Variants in RASEF observed in about 807,000 individuals in gnomAD.
The protein encoded by RASEF is ras and EF-hand domain-containing protein.
RASEF carries 68 observed loss-of-function variants against 90.1 expected under a neutral mutation model. The ratio of observed to expected loss-of-function variants is 0.75; its 90% CI spans 0.62 to 0.92. The LOEUF is 0.92. Among genes scored for constraint, RASEF ranks in the 40% least tolerant of loss-of-function variants. The pLI, the probability that RASEF is intolerant of heterozygous loss-of-function variation, is 0.00. For missense variants in RASEF, 949 were observed against 937.2 expected (o/e 1.01, Z -0.16); for synonymous variants, 331 against 345.2 (o/e 0.96, Z 0.46).
chr9:83,093,859 T>C, the RASEF span, among the ~76,000 whole-genome samples: 1 of 152,246 alleles, frequency 6.6e-6, no homozygotes, highest in South Asian at 2.1e-4. Context: ...GCCAGCACGC[T>C]GTCACCTCTC....
chr9:83,068,075 C>T (rs1216448094), upstream of RASEF, among the ~76,000 whole-genome samples: 2 of 152,086 alleles, frequency 1.3e-5, no homozygotes, highest in African/African-American at 2.4e-5. Flanking sequence ...AGTTTCTCTA[C>T]GTTGCCCAGA....
the RASEF span, among the ~76,000 whole-genome samples, chr9:83,140,227 C>T: frequency 6.6e-6 from 1 of 152,150 alleles, no homozygotes; most frequent in Admixed American, 6.6e-5. Context: ...AGTCATTAAA[C>T]TTGGTCATCC....
chr9:83,179,812 A>G, the RASEF span, among the ~76,000 whole-genome samples: 1 of 152,166 alleles, frequency 6.6e-6, no homozygotes, highest in African/African-American at 2.4e-5. Context: ...ACACATACAC[A>G]CACACACGTA....
chr9:83,151,457 T>C, the RASEF span, among the ~76,000 whole-genome samples: 1 of 152,254 alleles, frequency 6.6e-6, no homozygotes, highest in African/African-American at 2.4e-5. Context: ...GTAGACTTCT[T>C]AGTATGTAGG....
the RASEF span, among the ~76,000 whole-genome samples, chr9:83,073,886 T>G: frequency 6.6e-6 from 1 of 152,220 alleles, no homozygotes; most frequent in South Asian, 2.1e-4. Context: ...TTTAACTTTA[T>G]CATTATTTGG....
chr9:83,107,194 A>G, the RASEF span, among the ~76,000 whole-genome samples: 1 of 152,036 alleles, frequency 6.6e-6, no homozygotes, highest in Non-Finnish European at 1.5e-5. Flanking sequence ...CTACCACCAC[A>G]TTCTTCTGTG....
At position 83,000,209 on chromosome 9, in the gene RASEF, A is replaced by C; in HGVS notation, c.1683T>G (p.Leu561=). 6.2e-7 allele frequency: 1 copy of C among 1,614,032 alleles called. No individual in the cohort carries two copies. The change falls in exon 12 of 17, where the codon CTT becomes CTG. Residue 561 remains leucine, a synonymous_variant. Coordinates refer to ENST00000376447, the MANE Select transcript of RASEF (RefSeq NM_152573.4). ...AVGKSSFLMR[L]CKNEFRENIS... ...TATTTTCTCGAAATTCATTCTTGCA[A>C]AGTCTCATGAGGAAACTAGACTTCC...
At chr9:83,117,229 CA>C in the RASEF span, among the ~76,000 whole-genome samples, 5 of 152,036 alleles carry the variant, frequency 3.3e-5, no homozygotes, top group South Asian at 1.0e-3. Context: ...TTAAAACAAA[CA>C]AAAAGTGGAA....
chr9:83,063,680 G>C (rs1178760003), upstream of RASEF, among the ~76,000 whole-genome samples: 1 of 152,138 alleles, frequency 6.6e-6, no homozygotes, highest in Non-Finnish European at 1.5e-5. Flanking sequence ...GAAAAAATTT[G>C]ATAAACAAAA....
At chr9:83,104,406 C>G in the RASEF span, among the ~76,000 whole-genome samples, 3 of 152,130 alleles carry the variant, frequency 2.0e-5, no homozygotes, top group Non-Finnish European at 4.4e-5. Flanking sequence ...ATAATGTCTT[C>G]ATGGTTAAGA....
At chr9:83,045,531 T>C (rs1829912669) in intron 1 of RASEF, among the ~76,000 whole-genome samples, 1 of 152,234 alleles carries the variant, frequency 6.6e-6, no homozygotes, top group African/African-American at 2.4e-5. Flanking sequence ...TTTATTATCC[T>C]GAAGACAGCT....
At chr9:83,003,229 C>T (rs1829070244) in intron 9 of RASEF, among the ~76,000 whole-genome samples, 1 of 152,142 alleles carries the variant, frequency 6.6e-6, no homozygotes, top group Admixed American at 6.5e-5. Context: ...CCCCCCCACA[C>T]ACACCCAGAA....
the RASEF span, among the ~76,000 whole-genome samples, chr9:83,148,825 G>A: frequency 6.6e-6 from 1 of 152,194 alleles, no homozygotes; most frequent in African/African-American, 2.4e-5. Context: ...GGGAGCTGGG[G>A]AGAAGACAGC....
intron 1 of RASEF, among the ~76,000 whole-genome samples, chr9:83,046,341 C>T (rs1253967711): frequency 6.6e-6 from 1 of 152,142 alleles, no homozygotes; most frequent in Non-Finnish European, 1.5e-5. Context: ...TGAGTATTCT[C>T]ATTATAGAAG....
chr9:83,152,314 T>C, the RASEF span, among the ~76,000 whole-genome samples: 1 of 152,222 alleles, frequency 6.6e-6, no homozygotes. Context: ...ACAGAAAGGA[T>C]GACCAATTCC....
At chr9:83,082,654 T>A in the RASEF span, among the ~76,000 whole-genome samples, 1 of 152,158 alleles carries the variant, frequency 6.6e-6, no homozygotes, top group Non-Finnish European at 1.5e-5. Context: ...AACTTCAAAC[T>A]GTAACAGGGT....
At chr9:83,153,634 C>A in the RASEF span, among the ~76,000 whole-genome samples, 213 of 152,304 alleles carry the variant, frequency 1.4e-3, no homozygotes, top group African/African-American at 4.8e-3. Context: ...CAAAGACTTA[C>A]AAATGCCACC....
rs535239982 is a variant in RASEF, at chr9:82,988,845, C to T, written c.2117+1546G>A. Among the ~76,000 whole-genome samples the T allele has an allele frequency of 5.3e-5, 8 of 152,224 alleles. No homozygotes were observed. The South Asian group carries it at 1.5e-3, about 28-fold the overall frequency. On this transcript the variant is annotated intron_variant, in intron 16 of 16. Transcript: ENST00000376447. Reference sequence around the variant, plus strand: ...CTATTTTCTTTATAAATTGCAGTCTCGGGTATTCCTTTATAGAGATGCACA... The same window carrying T: ...CTATTTTCTTTATAAATTGCAGTCTTGGGTATTCCTTTATAGAGATGCACA...
the RASEF span, among the ~76,000 whole-genome samples, chr9:83,086,618 T>G: frequency 6.6e-6 from 1 of 152,154 alleles, no homozygotes; most frequent in Non-Finnish European, 1.5e-5. Context: ...TGCAGTCTTA[T>G]CTAAAGGCTC....
Sources: allele counts gnomAD v4.1 joint callset (sites outside exome capture counted in the v4.1 genomes callset), GRCh38; gene constraint gnomAD v4.1.1; transcripts MANE v1.5; gene names NCBI Gene and HGNC (gene_info 2026-07-23, HGNC 2026-07-21).